FAM200B: variants seen among roughly 807,000 people sequenced by gnomAD.
FAM200B encodes the protein protein FAM200B.
In FAM200B, 32 loss-of-function variants were observed where a neutral mutation model predicts 33.1. The ratio of observed to expected loss-of-function variants is 0.97; its 90% CI spans 0.73 to 1.30. FAM200B has a LOEUF of 1.30. Ranked by LOEUF, FAM200B falls within the 50% of genes most tolerant of loss-of-function variation. The pLI, the probability that FAM200B is intolerant of heterozygous loss-of-function variation, is 0.00. For synonymous variants in FAM200B, 240 were observed against 264.8 expected (o/e 0.91, Z 0.91); for missense variants, 741 against 754.0 (o/e 0.98, Z 0.20).
the FAM200B span, among the ~76,000 whole-genome samples, chr4:15,642,162 T>G: frequency 2.6e-5 from 4 of 152,148 alleles, no homozygotes; most frequent in Non-Finnish European, 5.9e-5. Flanking sequence ...ATAAACTTCT[T>G]CCTCATAACC....
At chr4:15,638,825 G>T in the FAM200B span, 140 of 581,480 alleles carry the variant, frequency 2.4e-4, 4 homozygotes, top group Admixed American at 5.2e-3. Flanking sequence ...AATTTTAGCT[G>T]TCACCACTGA....
At chr4:15,639,731 T>A in the FAM200B span, among the ~76,000 whole-genome samples, 1 of 152,200 alleles carries the variant, frequency 6.6e-6, no homozygotes, top group African/African-American at 2.4e-5. Context: ...CCTGAAAAAA[T>A]ACCCAGGTCA....
At chr4:15,655,328 G>A in the FAM200B span, 23 of 1,348,628 alleles carry the variant, frequency 1.7e-5, no homozygotes, top group African/African-American at 3.0e-5. Flanking sequence ...CGCGGCCGCC[G>A]CCTCTCCATA....
At chr4:15,641,545 A>G in the FAM200B span, 1 of 446,188 alleles carries the variant, frequency 2.2e-6, no homozygotes, top group Non-Finnish European at 4.5e-6. Context: ...AATCCAGTAT[A>G]TATATTTTAC....
the FAM200B span, among the ~76,000 whole-genome samples, chr4:15,655,967 G>A: frequency 6.6e-6 from 1 of 152,344 alleles, no homozygotes. Flanking sequence ...AGCGGGCGCG[G>A]GGCCTGGGTG....
the FAM200B span, among the ~76,000 whole-genome samples, chr4:15,668,042 T>TAAAA: frequency 7.5e-6 from 1 of 132,480 alleles, no homozygotes; most frequent in Non-Finnish European, 1.6e-5. Flanking sequence ...ACTCTATCTC[T>TAAAA]AAAAAAAAAA....
At chr4:15,683,914 A>G (rs1385275097) in intron 1 of FAM200B, among the ~76,000 whole-genome samples, 1 of 152,244 alleles carries the variant, frequency 6.6e-6, no homozygotes, top group Non-Finnish European at 1.5e-5. Context: ...TACAGCAAGC[A>G]CTATTCTAGG....
the FAM200B span, among the ~76,000 whole-genome samples, chr4:15,646,299 A>T: frequency 3.3e-5 from 5 of 152,178 alleles, no homozygotes; most frequent in Non-Finnish European, 7.4e-5. Context: ...AAAATGTAAA[A>T]GTGATGCTTG....
chr4:15,640,854 T>C, the FAM200B span: 55 of 1,553,422 alleles, frequency 3.5e-5, no homozygotes, highest in Non-Finnish European at 4.4e-5. Context: ...CTTTCAGTTG[T>C]TTTGCATAAT....
intron 1 of FAM200B, chr4:15,684,940 C>G (rs1718687791): frequency 6.6e-6 from 1 of 152,182 alleles, no homozygotes; most frequent in African/African-American, 2.4e-5. Context: ...GAATTCTCTC[C>G]CAGATGCACA....
chr4:15,679,453 G>A (rs1718119630), upstream of FAM200B, among the ~76,000 whole-genome samples: 1 of 151,328 alleles, frequency 6.6e-6, no homozygotes, highest in African/African-American at 2.4e-5. Context: ...TTTTTGAATT[G>A]CTTCTGTCAT....
At chr4:15,662,694 A>G in the FAM200B span, among the ~76,000 whole-genome samples, 1 of 152,218 alleles carries the variant, frequency 6.6e-6, no homozygotes, top group African/African-American at 2.4e-5. Flanking sequence ...TTCTAGAGGT[A>G]GTTAAAATTG....
chr4:15,655,377 G>C, the FAM200B span: 1 of 1,091,904 alleles, frequency 9.2e-7, no homozygotes, highest in Non-Finnish European at 1.1e-6. Context: ...GCGCCCCCTT[G>C]CGCATGCGCC....
chr4:15,654,955 G>A, the FAM200B span, among the ~76,000 whole-genome samples: 2 of 151,854 alleles, frequency 1.3e-5, no homozygotes, highest in Non-Finnish European at 2.9e-5. Flanking sequence ...TCAGCCGCCA[G>A]GCCCTCGGCA....
the FAM200B span, chr4:15,644,602 T>A: frequency 1.9e-6 from 3 of 1,614,008 alleles, no homozygotes; most frequent in Non-Finnish European, 2.5e-6. Context: ...ACCAATAATG[T>A]ATTCATTTTC....
At chr4:15,648,250 T>C in the FAM200B span, among the ~76,000 whole-genome samples, 2 of 152,214 alleles carry the variant, frequency 1.3e-5, no homozygotes, top group Non-Finnish European at 2.9e-5. Context: ...TTTCTGTTAT[T>C]AATTCTGTAT....
the FAM200B span, among the ~76,000 whole-genome samples, chr4:15,662,520 G>C: frequency 6.6e-6 from 1 of 152,134 alleles, no homozygotes; most frequent in Non-Finnish European, 1.5e-5. Context: ...ATTAAATAAT[G>C]AGACTATCCC....
At chr4:15,653,792 C>T in the FAM200B span, among the ~76,000 whole-genome samples, 188 of 152,290 alleles carry the variant, frequency 1.2e-3, 3 homozygotes, top group East Asian at 0.033. Flanking sequence ...TCATGCTTCT[C>T]CTAGATGAGT....
intron 1 of FAM200B, among the ~76,000 whole-genome samples, chr4:15,683,892 G>C (rs1228041944): frequency 6.6e-6 from 1 of 152,178 alleles, no homozygotes; most frequent in Non-Finnish European, 1.5e-5. Context: ...CATATGCATT[G>C]AGTAACTACC....
Sources: gnomAD v4.1 joint callset for allele counts (sites outside exome capture counted in the v4.1 genomes callset) on GRCh38, gnomAD v4.1.1 for gene constraint, MANE v1.5 for transcripts, NCBI Gene and HGNC (gene_info 2026-07-23, HGNC 2026-07-21) for gene names.